SLIT3: variants seen among roughly 807,000 people sequenced by gnomAD.
SLIT3 encodes the protein slit guidance ligand 3, also known as slit homolog 3 protein.
Under a neutral mutation model 184.0 loss-of-function variants are expected in SLIT3, and 68 were observed. The ratio of observed to expected loss-of-function variants is 0.37; its 90% CI spans 0.30 to 0.45. SLIT3 has a LOEUF of 0.45. Ranked by LOEUF, SLIT3 falls within the 20% of genes least tolerant of loss-of-function variation. The probability of loss-of-function intolerance (pLI) is 1.00; values close to 1 mark genes in which losing one functional copy is unlikely to be tolerated. For missense variants in SLIT3, 1,707 were observed against 2,026.0 expected (o/e 0.84, Z 3.02); for synonymous variants, 831 against 828.6 (o/e 1.00, Z -0.05).
intron 4 of SLIT3, among the ~76,000 whole-genome samples, chr5:169,155,249 T>G (rs542138479): frequency 6.6e-6 from 1 of 152,344 alleles, no homozygotes; most frequent in Admixed American, 6.5e-5. Context: ...GTCTTCCCTA[T>G]CAACAGTCAG....
At chr5:169,131,524 T>G (rs1761297416) in intron 4 of SLIT3, among the ~76,000 whole-genome samples, 1 of 152,246 alleles carries the variant, frequency 6.6e-6, no homozygotes, top group Admixed American at 6.5e-5. Context: ...CCCTTTTATC[T>G]CTGAATTAGT....
intron 4 of SLIT3, among the ~76,000 whole-genome samples, chr5:168,885,866 TG>T (rs1760184200): frequency 6.6e-6 from 1 of 152,192 alleles, no homozygotes; most frequent in Non-Finnish European, 1.5e-5. Context: ...GGTTCTGATT[TG>T]CAATACGGTG....
intron 1 of SLIT3, among the ~76,000 whole-genome samples, chr5:169,256,500 G>A (rs369435720): frequency 5.3e-5 from 8 of 152,174 alleles, no homozygotes; most frequent in Non-Finnish European, 1.5e-5. Flanking sequence ...ACGCAACAAC[G>A]AAATTGCCAA....
intron 32 of SLIT3, among the ~76,000 whole-genome samples, chr5:168,680,790 T>C (rs1761565255): frequency 6.6e-6 from 1 of 151,980 alleles, no homozygotes; most frequent in South Asian, 2.1e-4. Context: ...CCTGAGAAAA[T>C]GATTCTGAGG....
At chr5:169,084,241 A>T (rs1400543815) in intron 4 of SLIT3, among the ~76,000 whole-genome samples, 1 of 151,798 alleles carries the variant, frequency 6.6e-6, no homozygotes, top group Non-Finnish European at 1.5e-5. Context: ...GATTGAAGCC[A>T]TGGCTTACAT....
At chr5:169,266,392 C>T (rs1561776739) in intron 1 of SLIT3, among the ~76,000 whole-genome samples, 2 of 152,154 alleles carry the variant, frequency 1.3e-5, no homozygotes, top group African/African-American at 4.8e-5. Context: ...CTAAGTGGGA[C>T]CATGTGGCTG....
chr5:169,015,083 T>TGGA (rs1431147502), intron 4 of SLIT3, among the ~76,000 whole-genome samples: 2 of 150,882 alleles, frequency 1.3e-5, no homozygotes, highest in Admixed American at 1.3e-4. Flanking sequence ...ATAAAATGAA[T>TGGA]TACAAACCAA....
At chr5:168,843,765 T>C (rs1159863871) in intron 6 of SLIT3, among the ~76,000 whole-genome samples, 1 of 152,216 alleles carries the variant, frequency 6.6e-6, no homozygotes, top group Non-Finnish European at 1.5e-5. Flanking sequence ...TTGGTGAGAA[T>C]AACCAAAATG....
At chr5:168,882,299 C>T (rs1322435123) in intron 5 of SLIT3, among the ~76,000 whole-genome samples, 2 of 152,168 alleles carry the variant, frequency 1.3e-5, no homozygotes, top group Non-Finnish European at 2.9e-5. Context: ...CATGTTCCGA[C>T]CCCGTGGGCA....
chr5:168,920,414 A>G (rs1761597396), intron 4 of SLIT3, among the ~76,000 whole-genome samples: 1 of 152,124 alleles, frequency 6.6e-6, no homozygotes, highest in South Asian at 2.1e-4. Flanking sequence ...CACAATAGCC[A>G]CACACACCTG....
At chr5:169,069,940 A>C (rs1758484432) in intron 4 of SLIT3, among the ~76,000 whole-genome samples, 1 of 152,208 alleles carries the variant, frequency 6.6e-6, no homozygotes, top group Non-Finnish European at 1.5e-5. Flanking sequence ...GTCAAGCTCC[A>C]ATGGAGGTTT....
intron 4 of SLIT3, among the ~76,000 whole-genome samples, chr5:169,153,350 C>T (rs1282942772): frequency 6.6e-6 from 1 of 151,738 alleles, no homozygotes; most frequent in Non-Finnish European, 1.5e-5. Flanking sequence ...CTGCCATGTG[C>T]ACTCTTCAGG....
chr5:168,850,205 C>A (rs1758621067), intron 5 of SLIT3, among the ~76,000 whole-genome samples: 1 of 152,192 alleles, frequency 6.6e-6, no homozygotes, highest in Admixed American at 6.5e-5. Flanking sequence ...CCACAATCTG[C>A]TAATGAATTG....
chr5:169,149,245 T>C (rs1762034568), intron 4 of SLIT3, among the ~76,000 whole-genome samples: 1 of 152,194 alleles, frequency 6.6e-6, no homozygotes, highest in South Asian at 2.1e-4. Flanking sequence ...AGAAAGGCAT[T>C]TTGTAGTCAA....
chr5:168,690,409 C>T (rs1761870753), intron 29 of SLIT3, among the ~76,000 whole-genome samples: 1 of 152,152 alleles, frequency 6.6e-6, no homozygotes, highest in African/African-American at 2.4e-5. Flanking sequence ...GCTTGCTGTC[C>T]ACTCAGCCAA....
At chr5:169,260,416 G>A (rs1327904277) in intron 1 of SLIT3, among the ~76,000 whole-genome samples, 1 of 152,160 alleles carries the variant, frequency 6.6e-6, no homozygotes, top group Non-Finnish European at 1.5e-5. Context: ...GCTAAGCAGG[G>A]GATGCAGGAA....
intron 28 of SLIT3, 78 bp from the exon 29 acceptor site, chr5:168,692,778 G>C: frequency 9.9e-7 from 1 of 1,014,894 alleles, no homozygotes. Context: ...GTACTAGGGG[G>C]GATATCCTGG....
At chr5:168,948,915 C>A (rs1230127348) in intron 4 of SLIT3, among the ~76,000 whole-genome samples, 2 of 152,176 alleles carry the variant, frequency 1.3e-5, no homozygotes, top group South Asian at 2.1e-4. Context: ...GCTGAGTCAA[C>A]TTTGGGTGTG....
intron 16 of SLIT3, among the ~76,000 whole-genome samples, chr5:168,756,398 C>T (rs1754948225): frequency 6.6e-6 from 1 of 152,248 alleles, no homozygotes; most frequent in Non-Finnish European, 1.5e-5. Flanking sequence ...GAGGCCATGC[C>T]TGCGCTTGTG....
Sources: gnomAD v4.1 joint callset for allele counts (sites outside exome capture counted in the v4.1 genomes callset) on GRCh38, gnomAD v4.1.1 for gene constraint, MANE v1.5 for transcripts, NCBI Gene and HGNC (gene_info 2026-07-23, HGNC 2026-07-21) for gene names.